Variants in FERMT2 observed in about 807,000 individuals in gnomAD.
FERMT2 encodes the protein FERM domain containing kindlin 2.
Under a neutral mutation model 82.7 loss-of-function variants are expected in FERMT2, and 15 were observed. The observed-to-expected ratio is 0.18, with a 90% CI of 0.12 to 0.28. The LOEUF is 0.28. Among genes scored for constraint, FERMT2 ranks in the 10% least tolerant of loss-of-function variants. The probability of loss-of-function intolerance (pLI) is 1.00; values close to 1 mark genes in which losing one functional copy is unlikely to be tolerated. For missense variants in FERMT2, 645 were observed against 809.4 expected, an observed-to-expected ratio of 0.80 and a Z score of 2.46; for synonymous variants, 274 against 271.5, an observed-to-expected ratio of 1.01 and a Z score of -0.09.
chr14:52,893,897 C>T (rs1332222916), intron 3 of FERMT2, among the ~76,000 whole-genome samples: 2 of 151,148 alleles, frequency 1.3e-5, no homozygotes, highest in African/African-American at 2.4e-5. Flanking sequence ...TGAGCAATCT[C>T]GGCTCGCCAC....
chr14:52,868,229 T>TG (rs397934886), intron 10 of FERMT2, among the ~76,000 whole-genome samples: 4 of 151,280 alleles, frequency 2.6e-5, no homozygotes, highest in African/African-American at 9.7e-5. Flanking sequence ...TTTTTTTTTT[T>TG]GAGATGGGGT....
intron 2 of FERMT2, among the ~76,000 whole-genome samples, chr14:52,931,074 A>C (rs947071131): frequency 2.0e-5 from 3 of 152,184 alleles, no homozygotes; most frequent in Non-Finnish European, 2.9e-5. Flanking sequence ...GCGAAAGAGG[A>C]GGCAAACAGA....
chr14:52,871,834 T>C (rs1885641253), intron 10 of FERMT2: 1 of 152,350 alleles, frequency 6.6e-6, no homozygotes, highest in Non-Finnish European at 1.5e-5. Context: ...AGTTCTGAGA[T>C]AGCTTTGGAT....
chr14:52,893,468 T>A, intron 3 of FERMT2, 41 bp from the exon 4 acceptor site: 2 of 1,423,290 alleles, frequency 1.4e-6, no homozygotes, highest in Non-Finnish European at 1.9e-6. Flanking sequence ...CAAAGGAAAA[T>A]TTAAACATTT....
intron 3 of FERMT2, among the ~76,000 whole-genome samples, chr14:52,894,598 C>A (rs1220601087): frequency 6.6e-6 from 1 of 151,954 alleles, no homozygotes; most frequent in East Asian, 1.9e-4. Context: ...CAGAAGAGGG[C>A]CCCCAAAACA....
In FERMT2 at chr14:52,859,732, AG is replaced by A; in HGVS notation, c.1728-19del. On this transcript the variant is annotated intron_variant, in intron 13 of 14. Transcript: ENST00000341590. ...CTTGGAACCTATAACATTTAAGAAA[AG>A]AACGGTTAAAAACATGTTGTGGGGG... 6.6e-7 allele frequency: 1 copy of A among 1,505,982 alleles called. No homozygotes were observed. 93.3% of individuals were successfully genotyped at this position (1,505,982 alleles called of 1,614,324 possible).
chr14:52,924,686 C>T (rs1017515907), intron 2 of FERMT2, among the ~76,000 whole-genome samples: 3 of 152,076 alleles, frequency 2.0e-5, no homozygotes, highest in Non-Finnish European at 2.9e-5. Flanking sequence ...ATAAGAAATA[C>T]AGAAAACTTT....
At chr14:52,927,957 C>G in intron 2 of FERMT2, 1 of 332,334 alleles carries the variant, frequency 3.0e-6, no homozygotes, top group Non-Finnish European at 6.2e-6. Flanking sequence ...ATAATGTTGT[C>G]AGACTAAAGA....
intron 3 of FERMT2, among the ~76,000 whole-genome samples, chr14:52,904,178 T>G (rs761341438): frequency 2.5e-4 from 37 of 150,662 alleles, no homozygotes; most frequent in Non-Finnish European, 4.9e-4. Flanking sequence ...GTCAGGAGTT[T>G]GAGACCAGCC....
intron 4 of FERMT2, 57 bp downstream of exon 4, chr14:52,893,236 C>CA: frequency 6.9e-7 from 1 of 1,449,672 alleles, no homozygotes; most frequent in South Asian, 1.5e-5. Flanking sequence ...ACCAGAAAGA[C>CA]AAAGGTACAC....
intron 4 of FERMT2, 21 bp downstream of exon 4, chr14:52,893,272 A>G (rs759872788): frequency 2.5e-6 from 4 of 1,579,966 alleles, no homozygotes; most frequent in Non-Finnish European, 3.4e-6. Context: ...CTTTGAGTCC[A>G]TTGCTTGGTA....
chr14:52,940,994 C>G (rs1043290038), intron 2 of FERMT2, among the ~76,000 whole-genome samples: 4 of 152,132 alleles, frequency 2.6e-5, no homozygotes, highest in African/African-American at 9.7e-5. Context: ...GTAGTTACCC[C>G]AGAAAAATGA....
intron 3 of FERMT2, among the ~76,000 whole-genome samples, 169 bp downstream of exon 3, chr14:52,918,954 C>G (rs1888783442): frequency 6.6e-6 from 1 of 152,196 alleles, no homozygotes. Context: ...TCCACCTTAA[C>G]CCAGCATTTA....
intron 3 of FERMT2, among the ~76,000 whole-genome samples, chr14:52,914,641 C>A (rs1050996824): frequency 6.6e-6 from 1 of 151,750 alleles, no homozygotes; most frequent in Non-Finnish European, 1.5e-5. Flanking sequence ...AAGAGAAGGC[C>A]GGGCATGGTG....
At chr14:52,947,004 T>C (rs889580514) in intron 2 of FERMT2, among the ~76,000 whole-genome samples, 1 of 152,182 alleles carries the variant, frequency 6.6e-6, no homozygotes, top group African/African-American at 2.4e-5. Context: ...TTTCACTTTC[T>C]GGATGAAGTA....
At chr14:52,877,574 C>CTTT (rs34676786) in intron 7 of FERMT2, among the ~76,000 whole-genome samples, 43,370 of 65,962 alleles carry the variant, frequency 0.66, 18,262 homozygotes, top group Middle Eastern at 0.78. Context: ...GCTGTTCTTG[C>CTTT]TTTTTTTTTT....
intron 3 of FERMT2, among the ~76,000 whole-genome samples, chr14:52,907,039 G>T (rs1408993318): frequency 6.6e-6 from 1 of 151,468 alleles, no homozygotes; most frequent in Non-Finnish European, 1.5e-5. Flanking sequence ...TTGAGACAGG[G>T]TCTCCCTCTG....
Position 52,860,415 on chromosome 14 carries a change from T to C in FERMT2, c.1653A>G (p.Leu551=). 1.2e-6 allele frequency: 2 copies of C among 1,613,774 alleles called. No individual in the cohort carries two copies. Among genetic ancestry groups the C allele is most frequent in the Non-Finnish European group, 1.7e-6 (2 of 1,179,724 alleles). ...EAHQNVAQMS[L]IEAKMRFIQA... Reference sequence around the variant, plus strand: ...GAATAAATCTCATCTTGGCTTCAATTAGACTCATCTGAGCTACATTCTGAT... The same window carrying C: ...GAATAAATCTCATCTTGGCTTCAATCAGACTCATCTGAGCTACATTCTGAT... The change falls in exon 13 of 15, where the codon CTA becomes CTG. Residue 551 remains leucine (L), a synonymous_variant. Coordinates refer to ENST00000341590, the MANE Select transcript of FERMT2 (RefSeq NM_006832.3).
intron 9 of FERMT2, chr14:52,873,860 T>G: frequency 4.5e-6 from 1 of 223,720 alleles, no homozygotes; most frequent in Non-Finnish European, 8.6e-6. Context: ...CAGTTCATTA[T>G]GTACTGCTTC....
Sources: allele counts gnomAD v4.1 joint callset (sites outside exome capture counted in the v4.1 genomes callset), GRCh38; gene constraint gnomAD v4.1.1; transcripts MANE v1.5; gene names NCBI Gene and HGNC (gene_info 2026-07-23, HGNC 2026-07-21).